The following NRXN1 variants were observed in gnomAD, a reference collection of about 807,000 sequenced individuals.
The protein encoded by NRXN1 is neurexin 1.
A neutral mutation model predicts 150.9 loss-of-function variants in NRXN1; 39 were observed. That is an observed-to-expected ratio of 0.26 (90% CI 0.20 to 0.34). NRXN1 has a LOEUF of 0.34. Among genes scored for constraint, NRXN1 ranks in the 10% least tolerant of loss-of-function variants. The pLI, the probability that NRXN1 is intolerant of heterozygous loss-of-function variation, is 1.00. For missense variants in NRXN1, 1,815 were observed against 1,949.9 expected (o/e 0.93, Z 1.30); for synonymous variants, 924 against 757.0 (o/e 1.22, Z -3.62).
intron 5 of NRXN1, among the ~76,000 whole-genome samples, chr2:50,640,444 C>T (rs1683907082): frequency 1.3e-5 from 2 of 152,124 alleles, no homozygotes; most frequent in South Asian, 4.1e-4. Context: ...TATCAGGAAA[C>T]TGGCATATTT....
intron 17 of NRXN1, among the ~76,000 whole-genome samples, chr2:50,278,318 T>A (rs1458316638): frequency 4.8e-5 from 5 of 104,784 alleles, no homozygotes; most frequent in East Asian, 2.3e-4. Flanking sequence ...ATATATATAT[T>A]ATATATATAT....
At chr2:50,095,863 T>A (rs906547668) in intron 18 of NRXN1, among the ~76,000 whole-genome samples, 2 of 151,918 alleles carry the variant, frequency 1.3e-5, no homozygotes, top group African/African-American at 4.8e-5. Flanking sequence ...TGTATACATG[T>A]GCCATGTTGG....
At chr2:50,762,902 C>T (rs920077248) in intron 5 of NRXN1, among the ~76,000 whole-genome samples, 1 of 151,970 alleles carries the variant, frequency 6.6e-6, no homozygotes, top group Non-Finnish European at 1.5e-5. Context: ...TGCACGATTA[C>T]TTGAAGTTCT....
At chr2:50,885,059 C>T (rs1191828254) in intron 5 of NRXN1, among the ~76,000 whole-genome samples, 3 of 151,524 alleles carry the variant, frequency 2.0e-5, no homozygotes, top group African/African-American at 4.8e-5. Context: ...ATGAGACTTT[C>T]GTTTCAGTAT....
At chr2:50,558,327 A>G (rs1028368799) in intron 8 of NRXN1, among the ~76,000 whole-genome samples, 20 of 152,144 alleles carry the variant, frequency 1.3e-4, no homozygotes, top group Non-Finnish European at 2.5e-4. Flanking sequence ...CTTAACCTCA[A>G]ACTTTATCTT....
intron 5 of NRXN1, among the ~76,000 whole-genome samples, chr2:50,741,128 T>A (rs2105271265): frequency 6.6e-6 from 1 of 152,238 alleles, no homozygotes; most frequent in East Asian, 1.9e-4. Context: ...TAAAAAAAGA[T>A]CAAAATTGTC....
chr2:50,137,283 T>C (rs1160628029), intron 18 of NRXN1, among the ~76,000 whole-genome samples: 2 of 152,198 alleles, frequency 1.3e-5, no homozygotes, highest in East Asian at 3.8e-4. Context: ...AAACCAGTGA[T>C]GCAAATGGTG....
chr2:50,719,901 T>C (rs1696411317), intron 5 of NRXN1, among the ~76,000 whole-genome samples: 2 of 152,306 alleles, frequency 1.3e-5, no homozygotes, highest in South Asian at 2.1e-4. Context: ...GAAGTCTCTC[T>C]GTCATCCCAA....
intron 21 of NRXN1, among the ~76,000 whole-genome samples, chr2:49,963,871 T>C (rs566276814): frequency 6.6e-6 from 1 of 152,306 alleles, no homozygotes; most frequent in Admixed American, 6.5e-5. Flanking sequence ...GGAATTATTA[T>C]AAAAGAATAA....
chr2:50,065,936 G>A (rs1236879550), intron 19 of NRXN1, among the ~76,000 whole-genome samples: 3 of 152,142 alleles, frequency 2.0e-5, no homozygotes, highest in Non-Finnish European at 4.4e-5. Flanking sequence ...AATTTTGCTT[G>A]GACGTCACAT....
At chr2:50,131,601 T>G (rs926097679) in intron 18 of NRXN1, among the ~76,000 whole-genome samples, 1 of 152,214 alleles carries the variant, frequency 6.6e-6, no homozygotes, top group Middle Eastern at 3.2e-3. Context: ...TACGAAGAAA[T>G]GCTCTGTTGC....
intron 22 of NRXN1, among the ~76,000 whole-genome samples, chr2:49,923,604 T>A (rs1668592113): frequency 6.6e-6 from 1 of 151,568 alleles, no homozygotes; most frequent in Non-Finnish European, 1.5e-5. Flanking sequence ...GTAATTAATT[T>A]TAATATTTCT....
chr2:50,829,403 C>T, intron 5 of NRXN1: 5 of 1,309,492 alleles, frequency 3.8e-6, no homozygotes, highest in South Asian at 1.3e-5. Context: ...GCGGGGATTA[C>T]AGGCATGAGC....
At chr2:50,043,804 G>T (rs992262196) in intron 21 of NRXN1, among the ~76,000 whole-genome samples, 4 of 152,044 alleles carry the variant, frequency 2.6e-5, no homozygotes, top group African/African-American at 9.7e-5. Flanking sequence ...CTCCTCACTT[G>T]GTTCATTCTC....
intron 18 of NRXN1, among the ~76,000 whole-genome samples, chr2:50,229,781 G>A (rs1440679752): frequency 6.6e-6 from 1 of 152,012 alleles, no homozygotes; most frequent in Admixed American, 6.6e-5. Flanking sequence ...AAAATAATGT[G>A]TTTATTTTGC....
intron 5 of NRXN1, among the ~76,000 whole-genome samples, chr2:50,849,918 C>T (rs1044059508): frequency 1.3e-5 from 2 of 152,030 alleles, no homozygotes; most frequent in Admixed American, 6.6e-5. Context: ...TTAAAAAATA[C>T]GTATTTGTCC....
At chr2:50,951,450 A>C (rs1393701028) in intron 2 of NRXN1, among the ~76,000 whole-genome samples, 1 of 152,190 alleles carries the variant, frequency 6.6e-6, no homozygotes, top group Non-Finnish European at 1.5e-5. Flanking sequence ...CTGAGCCTAG[A>C]ACCTAGCTTT....
intron 5 of NRXN1, among the ~76,000 whole-genome samples, chr2:50,634,376 C>G (rs1266337325): frequency 6.6e-6 from 1 of 152,110 alleles, no homozygotes; most frequent in Non-Finnish European, 1.5e-5. Flanking sequence ...GGTAAATAAT[C>G]ACCTTAAAGT....
At chr2:50,697,885 T>C (rs2104936239) in intron 5 of NRXN1, among the ~76,000 whole-genome samples, 1 of 152,272 alleles carries the variant, frequency 6.6e-6, no homozygotes, top group South Asian at 2.1e-4. Flanking sequence ...TCCCCCAAAG[T>C]AGACAGCTCT....
Sources: gnomAD v4.1 joint callset for allele counts (sites outside exome capture counted in the v4.1 genomes callset) on GRCh38, gnomAD v4.1.1 for gene constraint, MANE v1.5 for transcripts, NCBI Gene and HGNC (gene_info 2026-07-23, HGNC 2026-07-21) for gene names.